DAPK1: variants seen among roughly 807,000 people sequenced by gnomAD.
The protein encoded by DAPK1 is death associated protein kinase 1.
A neutral mutation model predicts 144.9 loss-of-function variants in DAPK1; 56 were observed. The observed-to-expected ratio is 0.39, with a 90% CI of 0.31 to 0.48. The LOEUF (loss-of-function observed/expected upper bound fraction) is 0.48. Ranked by LOEUF, DAPK1 falls within the 20% of genes least tolerant of loss-of-function variation. The pLI is 0.95. For missense variants in DAPK1, 1,454 were observed against 1,875.4 expected, an observed-to-expected ratio of 0.78 and a Z score of 4.15; for synonymous variants, 690 against 749.0, an observed-to-expected ratio of 0.92 and a Z score of 1.29.
intron 2 of DAPK1, among the ~76,000 whole-genome samples, chr9:87,515,621 C>T (rs1818014250): frequency 6.6e-6 from 1 of 152,122 alleles, no homozygotes; most frequent in African/African-American, 2.4e-5. Flanking sequence ...AGTGAGGTCA[C>T]AAGTGGTGGA....
intron 21 of DAPK1, among the ~76,000 whole-genome samples, chr9:87,688,173 T>C (rs1451472936): frequency 6.7e-6 from 1 of 149,078 alleles, no homozygotes; most frequent in African/African-American, 2.4e-5. Flanking sequence ...TACCCCCTTA[T>C]AAGTGAGAAC....
intron 2 of DAPK1, among the ~76,000 whole-genome samples, chr9:87,504,260 A>G (rs1227249924): frequency 6.6e-6 from 1 of 152,244 alleles, no homozygotes; most frequent in South Asian, 2.1e-4. Context: ...GTTCAGCTAC[A>G]TAGATTAAAG....
chr9:87,691,532 G>T (rs11531864), intron 21 of DAPK1, among the ~76,000 whole-genome samples: 20,906 of 151,764 alleles, frequency 0.14, 1,982 homozygotes, highest in East Asian at 0.43. Context: ...CTGCTAAATT[G>T]TGGTTTGGCT....
intron 3 of DAPK1, among the ~76,000 whole-genome samples, chr9:87,619,880 T>C (rs1039014242): frequency 1.3e-4 from 20 of 152,198 alleles, no homozygotes; most frequent in Admixed American, 1.3e-4. Context: ...TGCATATTTC[T>C]GCAAAGAAGG....
At chr9:87,540,123 CTT>C (rs1453137513) in intron 2 of DAPK1, among the ~76,000 whole-genome samples, 1 of 149,202 alleles carries the variant, frequency 6.7e-6, no homozygotes, top group Non-Finnish European at 1.5e-5. Flanking sequence ...ATTCACATGA[CTT>C]TTATTACAGT....
At chr9:87,601,879 CG>C (rs956502361) in intron 2 of DAPK1, among the ~76,000 whole-genome samples, 2 of 152,258 alleles carry the variant, frequency 1.3e-5, no homozygotes, top group African/African-American at 4.8e-5. Context: ...TCTAACTCCT[CG>C]GGTTCTCAGG....
chr9:87,530,948 T>C (rs10868616), intron 2 of DAPK1, among the ~76,000 whole-genome samples: 44,722 of 151,978 alleles, frequency 0.29, 6,900 homozygotes, highest in Middle Eastern at 0.42. Flanking sequence ...CCCAGGGGGA[T>C]GGAGCAGCTG....
chr9:87,658,991 A>T (rs994978792), intron 18 of DAPK1, among the ~76,000 whole-genome samples: 1 of 152,208 alleles, frequency 6.6e-6, no homozygotes, highest in Non-Finnish European at 1.5e-5. Flanking sequence ...ATGAAGTCTT[A>T]TTGGGACACA....
At chr9:87,567,917 A>G (rs549216482) in intron 2 of DAPK1, among the ~76,000 whole-genome samples, 51 of 152,238 alleles carry the variant, frequency 3.4e-4, no homozygotes, top group African/African-American at 1.0e-3. Context: ...GTTTCTTTTA[A>G]TATTTATAGA....
chr9:87,614,809 G>T, intron 3 of DAPK1, among the ~76,000 whole-genome samples: 1 of 152,156 alleles, frequency 6.6e-6, no homozygotes, highest in East Asian at 1.9e-4. Flanking sequence ...TCCACCCAGA[G>T]CCAAGTCCCT....
chr9:87,548,913 C>CTTTTTTTTTTTTTTTTTTTTT (rs11291160), intron 2 of DAPK1, among the ~76,000 whole-genome samples: 4 of 63,870 alleles, frequency 6.3e-5, no homozygotes, highest in East Asian at 8.6e-4. Flanking sequence ...GATTTCATTC[C>CTTTTTTTTTTTTTTTTTTTTT]TTTTTTTTTT....
At chr9:87,524,136 G>T (rs1021212585) in intron 2 of DAPK1, among the ~76,000 whole-genome samples, 6 of 152,218 alleles carry the variant, frequency 3.9e-5, no homozygotes, top group Non-Finnish European at 5.9e-5. Flanking sequence ...CCCGATAGAG[G>T]TTCTTACAGA....
intron 21 of DAPK1, among the ~76,000 whole-genome samples, chr9:87,696,270 GA>G (rs1825256802): frequency 6.6e-6 from 1 of 152,150 alleles, no homozygotes; most frequent in Admixed American, 6.5e-5. Flanking sequence ...AAGTAGTCAT[GA>G]TATAGATACA....
intron 3 of DAPK1, among the ~76,000 whole-genome samples, chr9:87,636,576 G>C (rs1193586789): frequency 3.3e-5 from 5 of 152,192 alleles, no homozygotes; most frequent in African/African-American, 1.2e-4. Context: ...TCTAGACCGT[G>C]CTAAGGAAAA....
chr9:87,593,287 A>T (rs986200521), intron 2 of DAPK1, among the ~76,000 whole-genome samples: 1 of 152,226 alleles, frequency 6.6e-6, no homozygotes, highest in African/African-American at 2.4e-5. Flanking sequence ...TTCAGAGCAG[A>T]CTTCCCAGTG....
intron 17 of DAPK1, among the ~76,000 whole-genome samples, chr9:87,655,482 T>C (rs1316691933): frequency 6.6e-6 from 1 of 152,196 alleles, no homozygotes; most frequent in African/African-American, 2.4e-5. Flanking sequence ...CTCAAGTAAC[T>C]GATTGTGAGC....
intron 3 of DAPK1, among the ~76,000 whole-genome samples, chr9:87,634,136 C>T (rs1829804461): frequency 6.6e-6 from 1 of 152,238 alleles, no homozygotes; most frequent in Admixed American, 6.5e-5. Flanking sequence ...CCACACCCAT[C>T]ATGTACATGT....
At chr9:87,655,350 T>C (rs1396192918) in intron 17 of DAPK1, among the ~76,000 whole-genome samples, 1 of 151,822 alleles carries the variant, frequency 6.6e-6, no homozygotes, top group Non-Finnish European at 1.5e-5. Context: ...GTCAGGCTTG[T>C]TTTGCTATTT....
At chr9:87,556,000 C>T (rs906449719) in intron 2 of DAPK1, among the ~76,000 whole-genome samples, 5 of 152,182 alleles carry the variant, frequency 3.3e-5, no homozygotes, top group East Asian at 1.9e-4. Flanking sequence ...CCTAAAAAGA[C>T]GAATGAGAAA....
Sources: gnomAD v4.1 joint callset for allele counts (sites outside exome capture counted in the v4.1 genomes callset) on GRCh38, gnomAD v4.1.1 for gene constraint, MANE v1.5 for transcripts, NCBI Gene and HGNC (gene_info 2026-07-23, HGNC 2026-07-21) for gene names.